Variants in LAMA4 observed in about 807,000 individuals in gnomAD.
The protein encoded by LAMA4 is laminin subunit alpha 4.
In LAMA4, 127 loss-of-function variants were observed where a neutral mutation model predicts 207.1. The observed-to-expected ratio is 0.61, with a 90% CI of 0.53 to 0.71. The LOEUF is 0.71. Ranked by LOEUF, LAMA4 falls within the 30% of genes least tolerant of loss-of-function variation. The pLI is 0.00. For synonymous variants in LAMA4, 761 were observed against 816.0 expected (o/e 0.93, Z 1.15); for missense variants, 2,093 against 2,246.5 (o/e 0.93, Z 1.38).
chr6:112,121,488 T>C (rs1554326133), intron 32 of LAMA4, among the ~76,000 whole-genome samples: 1 of 152,208 alleles, frequency 6.6e-6, no homozygotes, highest in Non-Finnish European at 1.5e-5. Flanking sequence ...ATAAAAATAT[T>C]TGGGTGCTAA....
At chr6:112,180,943 C>T (rs531894246) in intron 9 of LAMA4, among the ~76,000 whole-genome samples, 5 of 152,350 alleles carry the variant, frequency 3.3e-5, no homozygotes, top group Non-Finnish European at 5.9e-5. Flanking sequence ...ATTCACATCT[C>T]TATCTGCCCT....
intron 12 of LAMA4, among the ~76,000 whole-genome samples, chr6:112,167,712 T>A (rs1052953478): frequency 1.3e-5 from 2 of 152,136 alleles, no homozygotes; most frequent in Non-Finnish European, 2.9e-5. Flanking sequence ...TGTCCATCCA[T>A]CTGTTCATCA....
At chr6:112,217,926 T>TA (rs1173249432) in intron 2 of LAMA4, 1 of 152,246 alleles carries the variant, frequency 6.6e-6, no homozygotes, top group Non-Finnish European at 1.5e-5. Context: ...AAGTAAAACA[T>TA]ACATGTTTTC....
chr6:112,135,871 G>A (rs904785257), intron 25 of LAMA4: 8 of 422,082 alleles, frequency 1.9e-5, no homozygotes, highest in African/African-American at 8.1e-5. Flanking sequence ...GAAGCCTTCT[G>A]GTTAATTAAG....
At chr6:112,190,922 T>A (rs1248276610) in intron 6 of LAMA4, among the ~76,000 whole-genome samples, 1 of 97,990 alleles carries the variant, frequency 1.0e-5, no homozygotes, top group Non-Finnish European at 2.0e-5. Context: ...TTTCTTTCTT[T>A]CTTTCTTTCT....
intron 2 of LAMA4, among the ~76,000 whole-genome samples, chr6:112,229,946 A>T (rs577344901): frequency 1.3e-5 from 2 of 152,354 alleles, no homozygotes; most frequent in South Asian, 4.1e-4. Flanking sequence ...AAATGAAAGA[A>T]TCAAGAACGT....
At chr6:112,190,713 A>G (rs974461399) in intron 6 of LAMA4, among the ~76,000 whole-genome samples, 9 of 152,182 alleles carry the variant, frequency 5.9e-5, no homozygotes, top group Non-Finnish European at 1.3e-4. Flanking sequence ...TGAAATATTT[A>G]CCTCTTATAA....
At chr6:112,125,221 C>G (rs1295769437) in intron 31 of LAMA4, among the ~76,000 whole-genome samples, 2 of 151,296 alleles carry the variant, frequency 1.3e-5, no homozygotes, top group Admixed American at 1.3e-4. Context: ...GCCTTTCACT[C>G]TATGAAGGAG....
rs115797884 is a variant in LAMA4 at position 112,226,869 on chromosome 6, G to T, written c.196-10400C>A. Among the ~76,000 whole-genome samples the T allele has an allele frequency of 9.4e-3, 1,428 of 152,122 alleles. 22 individuals are homozygous for T. Among genetic ancestry groups the T allele is most frequent in the African/African-American group, 0.033 (1,369 of 41,476 alleles). The stretch of plus-strand genomic sequence containing the variant: ...AGTTGCAAAGGAGAAACAGTATGAT[G>T]TTTATACTGTATTTTAAAACATGCA... On this transcript the variant is annotated intron_variant, in intron 2 of 38. Transcript: ENST00000230538.
chr6:112,228,037 C>T (rs1261462793), intron 2 of LAMA4, among the ~76,000 whole-genome samples: 6 of 152,120 alleles, frequency 3.9e-5, no homozygotes, highest in Non-Finnish European at 8.8e-5. Context: ...GTTTAGAGGC[C>T]AGTTTTCTGT....
chr6:112,235,099 G>C (rs1421541693), intron 2 of LAMA4, among the ~76,000 whole-genome samples: 1 of 152,176 alleles, frequency 6.6e-6, no homozygotes, highest in African/African-American at 2.4e-5. Context: ...ATGGACCATG[G>C]AATGGGCAGG....
At position 112,187,457 on chromosome 6, in the gene LAMA4, A is replaced by G. The variant is rs1554347067; in HGVS notation, c.959T>C (p.Leu320Pro). Reference protein sequence around the residue: ...HVNEINATIYLLKTKLSEREN... With the variant: ...HVNEINATIYPLKTKLSEREN... ...TAGAACATTCCTGCGTACTTTGAGG[A>G]GGTAGATGGTGGCGTTGATTTCATT... Residue 320 changes from leucine (L) to proline (P), a missense_variant, in exon 8 of 39, where the codon CTC becomes CCC. This residue lies in a region of LAMA4 where 1,704 missense variants were observed against 1,788.4 expected (regional missense o/e 0.95). Coordinates refer to ENST00000230538, the MANE Select transcript of LAMA4 (RefSeq NM_001105206.3). The G allele has an allele frequency of 6.2e-7, 1 of 1,614,006 alleles. No homozygotes were observed.
In LAMA4 at chr6:112,119,289, C is replaced by T. The variant is rs1554325278; in HGVS notation, c.4688G>A (p.Ser1563Asn). ...WHDVIFIRER[S>N]SGRLVIDGLR... Reference sequence around the variant, plus strand: ...ACCATCAATTACCAGTCGGCCACTGCTCCTTTCTCGAATAAATATCACCTG... The same window carrying T: ...ACCATCAATTACCAGTCGGCCACTGTTCCTTTCTCGAATAAATATCACCTG... The change falls in exon 34 of 39, where the codon AGC becomes AAC. Residue 1563 changes from serine (S) to asparagine (N), a missense_variant. By Grantham distance (46) the Ser-to-Asn change is conservative. This residue lies in a region of LAMA4 where 383 missense variants were observed against 437.8 expected (regional missense o/e 0.87). Transcript: ENST00000230538. The T allele has an allele frequency of 6.2e-7, 1 of 1,614,006 alleles. No homozygotes were observed. Among genetic ancestry groups the T allele is most frequent in the Admixed American group, 1.7e-5 (1 of 60,016 alleles).
rs781915056 is a variant in LAMA4, at chr6:112,189,204, C to T, written c.720G>A (p.Val240=). 14 of 1,611,762 alleles carry T rather than the reference C, an allele frequency of 8.7e-6. No homozygotes were observed. Among genetic ancestry groups the T allele is most frequent in the Non-Finnish European group, 1.2e-5 (14 of 1,178,028 alleles). ...GDARIAKNCA[V]CNCGGGPCDS... Reference sequence around the variant, plus strand: ...CACATGGGCCTCCCCCGCAGTTGCACACTGTGGGAAACAAAAACAAGAGAC... The same window carrying T: ...CACATGGGCCTCCCCCGCAGTTGCATACTGTGGGAAACAAAAACAAGAGAC... The change falls in exon 7 of 39, where the codon GTG becomes GTA. Residue 240 remains valine, a splice_region_variant and synonymous_variant. Coordinates refer to ENST00000230538, the MANE Select transcript of LAMA4 (RefSeq NM_001105206.3).
At chr6:112,243,138 A>G (rs1554187999) in intron 2 of LAMA4, among the ~76,000 whole-genome samples, 2 of 152,108 alleles carry the variant, frequency 1.3e-5, no homozygotes, top group African/African-American at 4.8e-5. Context: ...ACATTCATTG[A>G]CCACATGGAG....
rs149809630 is a variant in LAMA4, at chr6:112,157,414, C to G, written c.1817+1318G>C. ...TTAATGAATTTTGTTTATCTTTGTT[C>G]GAGCATAGCACGTAAATCATTGTGT... is the stretch of plus-strand genomic sequence containing the variant. On this transcript the variant is annotated intron_variant, in intron 14 of 38. Transcript: ENST00000230538. Among the ~76,000 whole-genome samples, 12 of 152,122 alleles carry G rather than the reference C, an allele frequency of 7.9e-5. No homozygotes were observed. The Middle Eastern group carries it at 0.01, about 129-fold the overall frequency.
intron 35 of LAMA4, among the ~76,000 whole-genome samples, chr6:112,116,546 A>G (rs1271656460): frequency 6.6e-6 from 1 of 152,200 alleles, no homozygotes; most frequent in Non-Finnish European, 1.5e-5. Context: ...AATAATTATT[A>G]AACAGAAACC....
chr6:112,218,088 G>A (rs557368666), intron 2 of LAMA4: 2 of 152,216 alleles, frequency 1.3e-5, no homozygotes, highest in South Asian at 2.1e-4. Context: ...AGTATATCCT[G>A]GTCATGACCC....
intron 9 of LAMA4, among the ~76,000 whole-genome samples, chr6:112,181,619 T>C (rs1782362130): frequency 6.6e-6 from 1 of 152,210 alleles, no homozygotes; most frequent in Non-Finnish European, 1.5e-5. Flanking sequence ...TGAGAAGCCT[T>C]TCCTAGTGTA....
Sources: gnomAD v4.1 joint callset for allele counts (sites outside exome capture counted in the v4.1 genomes callset) on GRCh38, gnomAD v4.1.1 for gene constraint, gnomAD v4.1.1 regional missense constraint, MANE v1.5 for transcripts, NCBI Gene and HGNC (gene_info 2026-07-23, HGNC 2026-07-21) for gene names.